Variants in PTPRD observed in about 807,000 individuals in gnomAD.
PTPRD encodes protein tyrosine phosphatase receptor type D.
A neutral mutation model predicts 214.5 loss-of-function variants in PTPRD; 34 were observed. That is an observed-to-expected ratio of 0.16 (90% CI 0.12 to 0.21). The LOEUF is 0.21. Among genes scored for constraint, PTPRD ranks in the 10% least tolerant of loss-of-function variants. The probability of loss-of-function intolerance (pLI) is 1.00; values close to 1 mark genes in which losing one functional copy is unlikely to be tolerated. For missense variants in PTPRD, 2,545 were observed against 2,398.7 expected, an observed-to-expected ratio of 1.06 and a Z score of -1.27; for synonymous variants, 1,128 against 845.7, an observed-to-expected ratio of 1.33 and a Z score of -5.79.
intron 5 of PTPRD, among the ~76,000 whole-genome samples, chr9:9,854,059 A>G (rs1480582172): frequency 1.3e-5 from 2 of 152,172 alleles, no homozygotes; most frequent in Non-Finnish European, 2.9e-5. Flanking sequence ...CATTAACTCT[A>G]TTCATCACAC....
At chr9:8,331,851 AAGTT>A (rs1019293481) in intron 43 of PTPRD, 115 bp from the exon 44 acceptor site, 21 of 1,276,066 alleles carry the variant, frequency 1.6e-5, no homozygotes, top group Middle Eastern at 2.8e-4. Context: ...AGGGTAGAAA[AAGTT>A]AGGAACATGT....
intron 8 of PTPRD, among the ~76,000 whole-genome samples, chr9:9,508,469 C>T (rs1175541998): frequency 6.6e-6 from 1 of 151,558 alleles, no homozygotes; most frequent in Non-Finnish European, 1.5e-5. Flanking sequence ...ACAATACAAC[C>T]CAACAACTTA....
chr9:8,913,651 T>C (rs2098763868), intron 11 of PTPRD, among the ~76,000 whole-genome samples: 1 of 152,092 alleles, frequency 6.6e-6, no homozygotes, highest in African/African-American at 2.4e-5. Context: ...GAGCTTCTTA[T>C]TAAGGCAAAC....
chr9:10,501,140 A>G (rs1401708386), intron 2 of PTPRD, among the ~76,000 whole-genome samples: 1 of 151,934 alleles, frequency 6.6e-6, no homozygotes, highest in Non-Finnish European at 1.5e-5. Flanking sequence ...TGGTTGTACT[A>G]ATTTACATTC....
chr9:9,013,704 C>A lies in PTPRD; in HGVS notation c.-104+4993G>T, dbSNP rs141378172. Among the ~76,000 whole-genome samples, 1,352 of 152,244 alleles carry A rather than the reference C, an allele frequency of 8.9e-3. 9 individuals are homozygous for A. The highest frequency in any genetic ancestry group is 0.019 in the South Asian group (93 of 4,820). On this transcript the variant is annotated intron_variant, in intron 11 of 45. Coordinates refer to ENST00000381196, the MANE Select transcript of PTPRD (RefSeq NM_002839.4). ...AGAAGCAACTCTGCCCTGATTCAAG[C>A]AGCCAAGTCGACTCAAAACTCAGGA...
chr9:9,520,412 T>C (rs968651409), intron 8 of PTPRD, among the ~76,000 whole-genome samples: 4 of 151,658 alleles, frequency 2.6e-5, no homozygotes, highest in African/African-American at 7.3e-5. Flanking sequence ...GTATAGTACA[T>C]GAACAGTTAA....
At chr9:8,750,903 G>C (rs2093456478) in intron 11 of PTPRD, among the ~76,000 whole-genome samples, 1 of 151,568 alleles carries the variant, frequency 6.6e-6, no homozygotes. Context: ...TTCTCCAGTG[G>C]CTGTGTGCCA....
intron 3 of PTPRD, among the ~76,000 whole-genome samples, chr9:10,185,605 T>C (rs1287053965): frequency 6.6e-6 from 1 of 152,170 alleles, no homozygotes; most frequent in Non-Finnish European, 1.5e-5. Context: ...ACGGCTAATA[T>C]GTGCAAGACA....
At chr9:9,991,349 A>G (rs1341683717) in intron 4 of PTPRD, among the ~76,000 whole-genome samples, 1 of 151,140 alleles carries the variant, frequency 6.6e-6, no homozygotes, top group Non-Finnish European at 1.5e-5. Flanking sequence ...GATTCTCTTT[A>G]TCAAAATATA....
intron 2 of PTPRD, among the ~76,000 whole-genome samples, chr9:10,427,455 G>T (rs1383894762): frequency 6.6e-6 from 1 of 152,074 alleles, no homozygotes; most frequent in Non-Finnish European, 1.5e-5. Flanking sequence ...CTGGCTCTCA[G>T]TTGTACTTCT....
intron 39 of PTPRD, among the ~76,000 whole-genome samples, chr9:8,347,211 C>T (rs993232895): frequency 1.3e-5 from 2 of 151,952 alleles, no homozygotes; most frequent in Admixed American, 1.3e-4. Flanking sequence ...TACTTTTTTT[C>T]TCCCCAGAGA....
At chr9:10,159,531 C>T (rs1359363998) in intron 3 of PTPRD, among the ~76,000 whole-genome samples, 2 of 151,912 alleles carry the variant, frequency 1.3e-5, no homozygotes, top group East Asian at 1.9e-4. Context: ...TGTGACTGAC[C>T]TTCACAAGAC....
chr9:9,834,505 A>G (rs1431217600), intron 5 of PTPRD, among the ~76,000 whole-genome samples: 1 of 151,910 alleles, frequency 6.6e-6, no homozygotes, highest in Non-Finnish European at 1.5e-5. Flanking sequence ...GAGATCTCCA[A>G]TTCACCCTGT....
intron 37 of PTPRD, among the ~76,000 whole-genome samples, chr9:8,384,142 A>G (rs1297713638): frequency 6.6e-6 from 1 of 152,206 alleles, no homozygotes; most frequent in African/African-American, 2.4e-5. Flanking sequence ...AAGGCTGCCA[A>G]TCATGTGCCC....
At chr9:9,669,102 T>C (rs1470724760) in intron 7 of PTPRD, among the ~76,000 whole-genome samples, 1 of 152,196 alleles carries the variant, frequency 6.6e-6, no homozygotes, top group Non-Finnish European at 1.5e-5. Context: ...TTTATTATTA[T>C]CATTATACTT....
rs143728853 is a variant in PTPRD, at chr9:10,274,463, C to T, written c.-545+66500G>A. 3.3e-3 allele frequency among the ~76,000 whole-genome samples: 507 copies of T among 152,142 alleles called. 3 individuals are homozygous for T. The highest frequency in any genetic ancestry group is 0.012 in the African/African-American group (489 of 41,532). ...CAACCATTAGTGCATATAAATTCTT[C>T]GAGTTAAAAAAGGAGAATTTGGTTT... is the stretch of plus-strand genomic sequence containing the variant. On this transcript the variant is annotated intron_variant, in intron 3 of 45. Coordinates refer to ENST00000381196, the MANE Select transcript of PTPRD (RefSeq NM_002839.4).
chr9:10,518,331 T>G (rs1181556920), intron 2 of PTPRD, among the ~76,000 whole-genome samples: 2 of 152,166 alleles, frequency 1.3e-5, no homozygotes. Flanking sequence ...TTCCAGAGAC[T>G]GGTAAATTCA....
intron 9 of PTPRD, among the ~76,000 whole-genome samples, chr9:9,278,872 C>T (rs1426088530): frequency 6.6e-6 from 1 of 151,312 alleles, no homozygotes; most frequent in East Asian, 2.0e-4. Context: ...CACAAACACA[C>T]ACAGCATTTT....
chr9:9,941,303 A>G (rs193019654), intron 4 of PTPRD, among the ~76,000 whole-genome samples: 229 of 152,236 alleles, frequency 1.5e-3, no homozygotes, highest in African/African-American at 4.9e-3. Context: ...TTAATATTCA[A>G]TAAACATTAA....
Sources: allele counts gnomAD v4.1 joint callset (sites outside exome capture counted in the v4.1 genomes callset), GRCh38; gene constraint gnomAD v4.1.1; transcripts MANE v1.5; gene names NCBI Gene and HGNC (gene_info 2026-07-23, HGNC 2026-07-21).